Variants in GRIK2 observed in about 807,000 individuals in gnomAD.
GRIK2 encodes the protein glutamate receptor ionotropic, kainate 2.
A neutral mutation model predicts 100.3 loss-of-function variants in GRIK2; 32 were observed. That is an observed-to-expected ratio of 0.32 (90% CI 0.24 to 0.43). The LOEUF is 0.43. Among genes scored for constraint, GRIK2 ranks in the 20% least tolerant of loss-of-function variants. The pLI is 1.00. For synonymous variants in GRIK2, 417 were observed against 389.4 expected, an observed-to-expected ratio of 1.07 and a Z score of -0.83; for missense variants, 843 against 1,114.9, an observed-to-expected ratio of 0.76 and a Z score of 3.47.
At chr6:102,027,121 T>A (rs1303330503) in intron 14 of GRIK2, among the ~76,000 whole-genome samples, 1 of 151,482 alleles carries the variant, frequency 6.6e-6, no homozygotes, top group East Asian at 1.9e-4. Flanking sequence ...AACTTTTTCA[T>A]AACAAAATAA....
At chr6:101,908,008 T>A (rs7772343) in intron 12 of GRIK2, among the ~76,000 whole-genome samples, 13 of 151,426 alleles carry the variant, frequency 8.6e-5, no homozygotes, top group African/African-American at 2.9e-4. Flanking sequence ...AGCACATTTC[T>A]GAATTTCCCC....
At chr6:102,041,784 G>A (rs938695197) in intron 15 of GRIK2, among the ~76,000 whole-genome samples, 1 of 145,126 alleles carries the variant, frequency 6.9e-6, no homozygotes, top group African/African-American at 2.5e-5. Context: ...CTTCTAATAC[G>A]AGGTTTTAGA....
At chr6:101,491,806 C>A (rs1291903427) in intron 2 of GRIK2, among the ~76,000 whole-genome samples, 1 of 151,814 alleles carries the variant, frequency 6.6e-6, no homozygotes, top group African/African-American at 2.4e-5. Flanking sequence ...ATTCAGATTT[C>A]CCTGGGTGAT....
chr6:101,494,575 T>A (rs1773323541), intron 2 of GRIK2, among the ~76,000 whole-genome samples: 1 of 152,040 alleles, frequency 6.6e-6, no homozygotes, highest in South Asian at 2.1e-4. Flanking sequence ...TTGGAATATA[T>A]TATTTAGCTC....
intron 8 of GRIK2, among the ~76,000 whole-genome samples, chr6:101,800,646 A>G (rs1780612427): frequency 6.6e-6 from 1 of 152,072 alleles, no homozygotes; most frequent in African/African-American, 2.4e-5. Context: ...CTGAATATCC[A>G]TGAATTTTCT....
chr6:101,961,710 G>A (rs989207545), intron 14 of GRIK2, among the ~76,000 whole-genome samples: 21 of 152,066 alleles, frequency 1.4e-4, no homozygotes, highest in African/African-American at 4.6e-4. Flanking sequence ...AGGGCACTTC[G>A]GCATGTGACA....
intron 14 of GRIK2, among the ~76,000 whole-genome samples, chr6:102,019,425 T>G (rs1769308262): frequency 6.6e-6 from 1 of 152,038 alleles, no homozygotes; most frequent in African/African-American, 2.4e-5. Flanking sequence ...ACTGCTCTTT[T>G]GGGAAAATTT....
chr6:101,924,776 G>T (rs1015836558), intron 13 of GRIK2, 57 bp downstream of exon 13: 2 of 1,071,290 alleles, frequency 1.9e-6, no homozygotes, highest in Admixed American at 3.4e-5. Context: ...TTTGCTGGGG[G>T]TGACAGCTCT....
intron 14 of GRIK2, among the ~76,000 whole-genome samples, chr6:102,033,634 A>T (rs1770114932): frequency 6.6e-6 from 1 of 151,340 alleles, no homozygotes; most frequent in Admixed American, 6.6e-5. Flanking sequence ...GCAGATAATC[A>T]TATTTCTTAA....
chr6:101,883,748 T>C (rs62419302), intron 11 of GRIK2, among the ~76,000 whole-genome samples: 220 of 152,198 alleles, frequency 1.4e-3, no homozygotes, highest in Non-Finnish European at 1.8e-3. Context: ...GGAGAGGGAA[T>C]AGCAAGCGTA....
chr6:101,806,896 T>C (rs1781040062), intron 9 of GRIK2, among the ~76,000 whole-genome samples: 1 of 151,716 alleles, frequency 6.6e-6, no homozygotes, highest in Admixed American at 6.6e-5. Context: ...ACGTGAACTT[T>C]ATAAAAGGGC....
intron 7 of GRIK2, among the ~76,000 whole-genome samples, chr6:101,789,757 A>C (rs995980153): frequency 9.2e-5 from 14 of 152,060 alleles, no homozygotes; most frequent in African/African-American, 2.9e-4. Context: ...TCATTGGTAG[A>C]TTGATGGGAA....
intron 12 of GRIK2, among the ~76,000 whole-genome samples, chr6:101,903,701 AT>A (rs879461531): frequency 7.9e-5 from 12 of 151,762 alleles, no homozygotes; most frequent in Middle Eastern, 3.4e-3. Flanking sequence ...GTTGTAGAAA[AT>A]AACTCTGATT....
intron 15 of GRIK2, among the ~76,000 whole-genome samples, chr6:102,039,977 A>G (rs1022493736): frequency 1.3e-5 from 2 of 151,550 alleles, no homozygotes; most frequent in African/African-American, 2.4e-5. Context: ...ATATTTGTGC[A>G]TATTATTAAT....
chr6:101,558,211 T>C (rs1213144949), intron 2 of GRIK2, among the ~76,000 whole-genome samples: 1 of 152,228 alleles, frequency 6.6e-6, no homozygotes, highest in African/African-American at 2.4e-5. Context: ...TACTGTCCAC[T>C]TGAGCTTTCC....
chr6:102,067,210 G>A (rs1201071136), intron 16 of GRIK2, among the ~76,000 whole-genome samples: 1 of 151,616 alleles, frequency 6.6e-6, no homozygotes, highest in Non-Finnish European at 1.5e-5. Context: ...GGTTAGATAT[G>A]TCTAATTAGC....
At chr6:101,595,912 A>G (rs34486794) in intron 2 of GRIK2, among the ~76,000 whole-genome samples, 8,424 of 147,284 alleles carry the variant, frequency 0.057, 305 homozygotes, top group South Asian at 0.11. Flanking sequence ...ATACCCTTTT[A>G]TTTACCTCTG....
chr6:101,624,248 A>G lies in GRIK2; in HGVS notation c.283+2132A>G, dbSNP rs1780319600. Among the ~76,000 whole-genome samples, 7 of 152,120 alleles carry G rather than the reference A, an allele frequency of 4.6e-5. No homozygotes were observed. The South Asian group carries it at 1.5e-3, about 32-fold the overall frequency. Reference sequence around the variant, plus strand: ...AGAAACATTCTAAATAACTTAATTCAGTGTTTTTAGCTTTTCTTGGTTTGT... The same window carrying G: ...AGAAACATTCTAAATAACTTAATTCGGTGTTTTTAGCTTTTCTTGGTTTGT... On this transcript the variant is annotated intron_variant, in intron 3 of 16. Transcript: ENST00000369134.
intron 7 of GRIK2, among the ~76,000 whole-genome samples, chr6:101,742,368 G>A (rs1776091885): frequency 6.6e-6 from 1 of 152,110 alleles, no homozygotes; most frequent in Non-Finnish European, 1.5e-5. Flanking sequence ...GTGGACTAAG[G>A]TGTGGGGTAA....
Sources: gnomAD v4.1 joint callset for allele counts (sites outside exome capture counted in the v4.1 genomes callset) on GRCh38, gnomAD v4.1.1 for gene constraint, MANE v1.5 for transcripts, NCBI Gene and HGNC (gene_info 2026-07-23, HGNC 2026-07-21) for gene names.